The following HIVEP3 variants were observed in gnomAD, a reference collection of about 807,000 sequenced individuals.
The protein encoded by HIVEP3 is transcription factor HIVEP3.
HIVEP3 carries 49 observed loss-of-function variants against 152.8 expected under a neutral mutation model. That is an observed-to-expected ratio of 0.32 (90% CI 0.26 to 0.41). The LOEUF (loss-of-function observed/expected upper bound fraction) is 0.41, where lower values mean the gene tolerates loss of function less well. Among genes scored for constraint, HIVEP3 ranks in the 10% least tolerant of loss-of-function variants. The pLI is 1.00. For synonymous variants in HIVEP3, 1,269 were observed against 1,289.0 expected, an observed-to-expected ratio of 0.98 and a Z score of 0.33; for missense variants, 2,790 against 3,103.3, an observed-to-expected ratio of 0.90 and a Z score of 2.40.
At chr1:42,009,046 G>A (rs1283289105) in intron 1 of HIVEP3, among the ~76,000 whole-genome samples, 1 of 152,192 alleles carries the variant, frequency 6.6e-6, no homozygotes, top group Non-Finnish European at 1.5e-5. Flanking sequence ...AAGCTAAGGA[G>A]ACGCTGCAAA....
intron 1 of HIVEP3, among the ~76,000 whole-genome samples, chr1:41,831,363 G>C (rs1350875071): frequency 6.6e-6 from 1 of 152,178 alleles, no homozygotes; most frequent in Admixed American, 6.5e-5. Context: ...TGAGATGGTA[G>C]AATGTGATGA....
At chr1:41,529,242 CCA>C (rs1286963099) in intron 5 of HIVEP3, among the ~76,000 whole-genome samples, 2 of 134,562 alleles carry the variant, frequency 1.5e-5, no homozygotes, top group Admixed American at 7.2e-5. Context: ...GCTCACACCC[CCA>C]CTCACACTTA....
chr1:41,607,945 G>C (rs1264312480), intron 3 of HIVEP3, among the ~76,000 whole-genome samples: 1 of 152,162 alleles, frequency 6.6e-6, no homozygotes, highest in South Asian at 2.1e-4. Flanking sequence ...ACGATAAAGG[G>C]GAGGGCAGAG....
chr1:41,598,352 AG>A (rs1221904391), intron 3 of HIVEP3, among the ~76,000 whole-genome samples: 1 of 152,214 alleles, frequency 6.6e-6, no homozygotes, highest in African/African-American at 2.4e-5. Flanking sequence ...CAAGCTTCCT[AG>A]GTAGTTAAGG....
rs148530621 is a variant in HIVEP3 at position 41,513,146 on chromosome 1, A to G, written c.6075T>C (p.Pro2025=). The part of the protein sequence containing the change: ...VDPGRGMGAL[P]CGSPRLQLSP... Reference sequence around the variant, plus strand: ...ACAGCTGAAGTCTTGGAGACCCACAAGGGAGAGCGCCCATGCCCCTTCCTG... The same window carrying G: ...ACAGCTGAAGTCTTGGAGACCCACAGGGGAGAGCGCCCATGCCCCTTCCTG... The change falls in exon 8 of 9, where the codon CCT becomes CCC. Residue 2025 remains proline, a synonymous_variant. Transcript: ENST00000372583. 91 of 1,613,666 alleles carry G rather than the reference A, an allele frequency of 5.6e-5. No individual in the cohort carries two copies. The highest frequency in any genetic ancestry group is 6.9e-5 in the Non-Finnish European group (81 of 1,179,972).
upstream of HIVEP3, among the ~76,000 whole-genome samples, chr1:41,923,011 A>G (rs1479905739): frequency 6.6e-6 from 1 of 152,234 alleles, no homozygotes; most frequent in Non-Finnish European, 1.5e-5. Flanking sequence ...ATTGATCAAA[A>G]AAATTCACAA....
At chr1:42,003,064 A>T (rs585254) in intron 1 of HIVEP3, among the ~76,000 whole-genome samples, 79,309 of 151,782 alleles carry the variant, frequency 0.52, 20,913 homozygotes, top group East Asian at 0.71. Flanking sequence ...TTTAAAGCTG[A>T]CTTCTCTTTT....
chr1:41,775,908 C>A (rs574589269), intron 1 of HIVEP3, among the ~76,000 whole-genome samples: 31 of 152,330 alleles, frequency 2.0e-4, no homozygotes, highest in African/African-American at 7.5e-4. Context: ...CTGCAGACAA[C>A]CCAACAGCCC....
intron 1 of HIVEP3, among the ~76,000 whole-genome samples, chr1:41,795,045 C>T (rs887097572): frequency 3.3e-5 from 5 of 152,184 alleles, no homozygotes; most frequent in Non-Finnish European, 7.3e-5. Context: ...TCATGTGCTA[C>T]CACGCCCAGG....
intron 3 of HIVEP3, among the ~76,000 whole-genome samples, chr1:41,628,292 G>C (rs902257342): frequency 6.6e-6 from 1 of 152,158 alleles, no homozygotes; most frequent in Non-Finnish European, 1.5e-5. Context: ...TCTAACTCCC[G>C]TGGTGCTCCT....
chr1:41,785,680 C>T (rs914491783), intron 1 of HIVEP3, among the ~76,000 whole-genome samples: 5 of 152,184 alleles, frequency 3.3e-5, no homozygotes, highest in Non-Finnish European at 5.9e-5. Context: ...AATTTCCTCT[C>T]AATTTATATA....
intron 1 of HIVEP3, among the ~76,000 whole-genome samples, chr1:41,954,306 A>G (rs1220323772): frequency 6.6e-6 from 1 of 152,250 alleles, no homozygotes; most frequent in Non-Finnish European, 1.5e-5. Context: ...TAAACCCCCA[A>G]GAACTCATTA....
chr1:41,628,049 A>G (rs965216268), intron 3 of HIVEP3, among the ~76,000 whole-genome samples: 2 of 152,208 alleles, frequency 1.3e-5, no homozygotes, highest in Admixed American at 1.3e-4. Flanking sequence ...TGAAGCCTGA[A>G]CATCTAGCCA....
chr1:41,919,910 C>T (rs1644926460), upstream of HIVEP3, among the ~76,000 whole-genome samples: 1 of 152,208 alleles, frequency 6.6e-6, no homozygotes, highest in African/African-American at 2.4e-5. Context: ...TCCAGCATGG[C>T]GCTGTCTGCT....
intron 2 of HIVEP3, 49 bp downstream of exon 2, chr1:41,700,867 G>A: frequency 1.2e-6 from 1 of 844,306 alleles, no homozygotes; most frequent in Non-Finnish European, 1.4e-6. Flanking sequence ...ATGGCCTTTG[G>A]GCTGTGCTGA....
At chr1:41,892,568 C>T (rs1426386172) in intron 1 of HIVEP3, among the ~76,000 whole-genome samples, 1 of 152,190 alleles carries the variant, frequency 6.6e-6, no homozygotes, top group Non-Finnish European at 1.5e-5. Context: ...CTGAGTGAGG[C>T]AGTATCATGA....
At chr1:41,641,177 G>T (rs573054530) in intron 2 of HIVEP3, among the ~76,000 whole-genome samples, 1 of 152,264 alleles carries the variant, frequency 6.6e-6, no homozygotes, top group Non-Finnish European at 1.5e-5. Flanking sequence ...CTTATTCACA[G>T]CAAAGCAGGT....
chr1:41,824,939 C>T (rs548593000), intron 1 of HIVEP3, among the ~76,000 whole-genome samples: 1 of 151,630 alleles, frequency 6.6e-6, no homozygotes, highest in Non-Finnish European at 1.5e-5. Context: ...AATGGCACTT[C>T]TCAGCTCACT....
intron 1 of HIVEP3, among the ~76,000 whole-genome samples, chr1:41,763,714 TG>T (rs1257672240): frequency 2.0e-5 from 3 of 152,236 alleles, no homozygotes; most frequent in Non-Finnish European, 4.4e-5. Context: ...ATACTTTTAC[TG>T]GAAGAGTATG....
Sources: allele counts gnomAD v4.1 joint callset (sites outside exome capture counted in the v4.1 genomes callset), GRCh38; gene constraint gnomAD v4.1.1; transcripts MANE v1.5; gene names NCBI Gene and HGNC (gene_info 2026-07-23, HGNC 2026-07-21).